The following GMEB1 variants were observed in gnomAD, a reference collection of about 807,000 sequenced individuals.
GMEB1 encodes glucocorticoid modulatory element binding protein 1.
Under a neutral mutation model 52.4 loss-of-function variants are expected in GMEB1, and 6 were observed. The observed-to-expected ratio is 0.11, with a 90% CI of 0.06 to 0.23. The LOEUF is 0.23. GMEB1 is among the 10% of genes least tolerant of loss of function. The pLI is 1.00. For synonymous variants in GMEB1, 255 were observed against 244.9 expected (o/e 1.04, Z -0.38); for missense variants, 486 against 685.6 (o/e 0.71, Z 3.25).
chr1:28,710,021 C>T (rs1051345863), intron 8 of GMEB1, among the ~76,000 whole-genome samples: 2 of 151,986 alleles, frequency 1.3e-5, no homozygotes, highest in African/African-American at 4.8e-5. Context: ...GTGGCAGGCA[C>T]CTGTAGTCCC....
intron 1 of GMEB1, among the ~76,000 whole-genome samples, chr1:28,678,922 G>GT (rs1163041891): frequency 1.3e-5 from 2 of 151,320 alleles, no homozygotes; most frequent in Admixed American, 6.6e-5. Context: ...GTTTTGTTTT[G>GT]TTTTTTTGAG....
chr1:28,691,897 T>C (rs2124514649), intron 4 of GMEB1, among the ~76,000 whole-genome samples, 188 bp downstream of exon 4: 1 of 151,828 alleles, frequency 6.6e-6, no homozygotes, highest in East Asian at 1.9e-4. Flanking sequence ...ATAAGAACTT[T>C]GGGTTGGGTG....
chr1:28,690,340 G>C (rs1669903461), intron 3 of GMEB1, among the ~76,000 whole-genome samples, 154 bp downstream of exon 3: 1 of 150,582 alleles, frequency 6.6e-6, no homozygotes, highest in Non-Finnish European at 1.5e-5. Flanking sequence ...CGATTTTGAT[G>C]GTGGTACATC....
Position 28,683,688 on chromosome 1 carries a change from C to G in GMEB1, c.76C>G (p.Pro26Ala). 6.2e-7 allele frequency: 1 copy of G among 1,611,802 alleles called. No homozygotes were observed. Among genetic ancestry groups the G allele is most frequent in the Non-Finnish European group, 8.5e-7 (1 of 1,179,070 alleles). Residue 26 changes from proline to alanine, a missense_variant, in exon 2 of 10, where the codon CCT becomes GCT. By Grantham distance (27) the Pro-to-Ala change is conservative. Around this residue, in one of 5 missense-constraint regions of GMEB1, gnomAD observed 88 missense variants for 96.5 expected, o/e 0.91. Coordinates refer to ENST00000373816, the MANE Select transcript of GMEB1 (RefSeq NM_001319674.2). Reference protein sequence around the residue: ...VPTEGNEGENPEDTKTQVILQ... With the variant: ...VPTEGNEGENAEDTKTQVILQ... ...TACTGAAGGAAATGAAGGGGAGAAT[C>G]CTGAAGACACTAAAACCCAAGTGAT...
intron 2 of GMEB1, 105 bp from the exon 3 acceptor site, chr1:28,689,999 A>G: frequency 1.5e-6 from 1 of 687,378 alleles, no homozygotes; most frequent in Non-Finnish European, 2.5e-6. Context: ...TATTTATTTT[A>G]TTTCTTTTGA....
chr1:28,697,906 G>A (rs1158066440), intron 6 of GMEB1, among the ~76,000 whole-genome samples: 1 of 152,000 alleles, frequency 6.6e-6, no homozygotes, highest in Non-Finnish European at 1.5e-5. Flanking sequence ...TTGGGAGGCT[G>A]AGGCAGGCGG....
At chr1:28,688,012 C>T (rs1205927497) in intron 2 of GMEB1, among the ~76,000 whole-genome samples, 7 of 152,048 alleles carry the variant, frequency 4.6e-5, no homozygotes, top group African/African-American at 1.4e-4. Flanking sequence ...TGGCTGGGCA[C>T]GGTGGCTCAC....
In GMEB1 at chr1:28,710,618, G is replaced by A; in HGVS notation, c.967G>A (p.Glu323Lys). The change falls in exon 9 of 10, where the codon GAA (glutamate) becomes AAA (lysine). Residue 323 changes from glutamate to lysine, a missense_variant. Physicochemically the swap from Glu to Lys is moderately conservative, Grantham distance 56 (BLOSUM62 1). Coordinates refer to ENST00000373816, the MANE Select transcript of GMEB1 (RefSeq NM_001319674.2). ...AAGGAACCAAGTAGAGCAGGGAGAA[G>A]AACAGTTTCTCTATACTCTGACAGG... Reference protein sequence around the residue: ...NRRNQVEQGEEQFLYTLTDLE... With the variant: ...NRRNQVEQGEKQFLYTLTDLE... 6.2e-7 allele frequency: 1 copy of A among 1,603,982 alleles called. No homozygotes were observed. The highest frequency in any genetic ancestry group is 8.5e-7 in the Non-Finnish European group (1 of 1,174,950).
chr1:28,701,362 C>T (rs1370121400), intron 6 of GMEB1, among the ~76,000 whole-genome samples: 29 of 151,002 alleles, frequency 1.9e-4, no homozygotes, highest in Non-Finnish European at 7.4e-5. Context: ...CTCCGCCTCC[C>T]GGGTTCACGC....
intron 1 of GMEB1, among the ~76,000 whole-genome samples, chr1:28,679,836 T>C (rs867343863): frequency 1.3e-5 from 2 of 151,184 alleles, no homozygotes; most frequent in Non-Finnish European, 1.5e-5. Context: ...AGTTTCACTC[T>C]TGTTGTCCGG....
At chr1:28,704,447 T>C in intron 8 of GMEB1, 118 bp downstream of exon 8, 1 of 707,768 alleles carries the variant, frequency 1.4e-6, no homozygotes, top group Non-Finnish European at 2.1e-6. Context: ...ATTTTACAGA[T>C]AAGGAAACTA....
At chr1:28,684,334 C>A (rs1429878792) in intron 2 of GMEB1, among the ~76,000 whole-genome samples, 1 of 151,938 alleles carries the variant, frequency 6.6e-6, no homozygotes, top group Non-Finnish European at 1.5e-5. Flanking sequence ...GAGGCCGAGG[C>A]GCGTGGATCA....
intron 2 of GMEB1, 133 bp from the exon 3 acceptor site, chr1:28,689,971 A>T: frequency 1.7e-6 from 1 of 573,690 alleles, no homozygotes; most frequent in Non-Finnish European, 3.0e-6. Context: ...ATGGGAAACT[A>T]GTCAGAGTTA....
chr1:28,686,226 A>G (rs1223641180), intron 2 of GMEB1, among the ~76,000 whole-genome samples: 1 of 152,064 alleles, frequency 6.6e-6, no homozygotes, highest in African/African-American at 2.4e-5. Context: ...CTGTAGTTCC[A>G]GCTACTCAGG....
rs878890649 is a variant in GMEB1, at chr1:28,690,203, G to GTTTTT, written c.211+34_211+38dup. On this transcript the variant is annotated intron_variant, in intron 3 of 9. Transcript: ENST00000373816. ...AAGGGATTGGTAAGGGTTTTTTTGT[G>GTTTTT]TTTTTTTTTTTTTTTTTTTTTGTCA... 8.1e-4 allele frequency: 417 copies of GTTTTT among 515,636 alleles called. No homozygotes were observed. The highest frequency in any genetic ancestry group is 1.3e-3 in the South Asian group (54 of 42,606). 31.9% of individuals were successfully genotyped at this position (515,636 alleles called of 1,614,324 possible). A position where few individuals can be genotyped will look rare whatever the true frequency, so the allele number is the denominator to read the frequency against.
chr1:28,709,585 A>T (rs11799532), intron 8 of GMEB1, among the ~76,000 whole-genome samples: 38,264 of 150,840 alleles, frequency 0.25, 5,054 homozygotes, highest in Middle Eastern at 0.31. Context: ...AAAAAAAAAA[A>T]TTTTTTTGAG....
intron 1 of GMEB1, among the ~76,000 whole-genome samples, chr1:28,680,924 A>G (rs543700903): frequency 6.6e-6 from 1 of 151,986 alleles, no homozygotes; most frequent in Non-Finnish European, 1.5e-5. Flanking sequence ...CATGCCTGTA[A>G]TCCCAGCTAC....
chr1:28,687,454 G>T (rs1041619050), intron 2 of GMEB1, among the ~76,000 whole-genome samples: 4 of 149,128 alleles, frequency 2.7e-5, no homozygotes, highest in Admixed American at 1.4e-4. Flanking sequence ...GTATAAGAAA[G>T]ATGGCACTTT....
chr1:28,685,194 G>A (rs951240177), intron 2 of GMEB1, among the ~76,000 whole-genome samples: 3 of 151,536 alleles, frequency 2.0e-5, no homozygotes, highest in Admixed American at 6.6e-5. Flanking sequence ...AAAAAGATAA[G>A]ATTTAAAAAG....
Sources: allele counts gnomAD v4.1 joint callset (sites outside exome capture counted in the v4.1 genomes callset), GRCh38; gene constraint gnomAD v4.1.1; regional missense constraint gnomAD v4.1.1; transcripts MANE v1.5; gene names NCBI Gene and HGNC (gene_info 2026-07-23, HGNC 2026-07-21).